BANK1: variants seen among roughly 807,000 people sequenced by gnomAD.
The protein encoded by BANK1 is B cell scaffold protein with ankyrin repeats 1, also known as B-cell scaffold protein with ankyrin repeats.
In BANK1, 95 loss-of-function variants were observed where a neutral mutation model predicts 94.5. That is an observed-to-expected ratio of 1.00 (90% confidence interval 0.85 to 1.19). The LOEUF is 1.19. Ranked by LOEUF, BANK1 falls within the 50% of genes most tolerant of loss-of-function variation. BANK1 has a pLI of 0.00. For synonymous variants in BANK1, 334 were observed against 308.4 expected, an observed-to-expected ratio of 1.08 and a Z score of -0.87; for missense variants, 987 against 932.2, an observed-to-expected ratio of 1.06 and a Z score of -0.77.
At chr4:102,044,707 T>G (rs1578476410) in intron 11 of BANK1, among the ~76,000 whole-genome samples, 2 of 82,488 alleles carry the variant, frequency 2.4e-5, no homozygotes, top group African/African-American at 4.8e-5. Flanking sequence ...TTTCCTGACT[T>G]TTTAATGATT....
chr4:101,810,790 G>T (rs1488169251), intron 1 of BANK1, among the ~76,000 whole-genome samples: 2 of 152,136 alleles, frequency 1.3e-5, no homozygotes, highest in Non-Finnish European at 2.9e-5. Context: ...GATACAAAGA[G>T]CACAGGATTG....
intron 6 of BANK1, 122 bp from the exon 7 acceptor site, chr4:101,917,871 C>T: frequency 1.8e-6 from 1 of 567,006 alleles, no homozygotes; most frequent in Non-Finnish European, 3.0e-6. Context: ...TTGATAGTTT[C>T]TTACACAAAA....
chr4:101,843,792 C>T (rs949241975), intron 2 of BANK1, among the ~76,000 whole-genome samples: 22 of 152,048 alleles, frequency 1.4e-4, no homozygotes, highest in Non-Finnish European at 2.6e-4. Flanking sequence ...CGTGCTGGCA[C>T]GCACCTGTAA....
At chr4:102,028,459 A>G (rs1727176208) in intron 9 of BANK1, among the ~76,000 whole-genome samples, 2 of 152,206 alleles carry the variant, frequency 1.3e-5, no homozygotes, top group Non-Finnish European at 2.9e-5. Flanking sequence ...ATCTCGCCTC[A>G]TAATCTTACC....
intron 7 of BANK1, among the ~76,000 whole-genome samples, chr4:101,946,720 T>C (rs572905888): frequency 2.0e-5 from 3 of 151,914 alleles, no homozygotes. Context: ...CAAGAAATAA[T>C]GGACATTTGA....
chr4:101,945,332 A>G (rs1723892907), intron 7 of BANK1, among the ~76,000 whole-genome samples: 1 of 151,734 alleles, frequency 6.6e-6, no homozygotes, highest in Admixed American at 6.6e-5. Flanking sequence ...ATAAACTTTC[A>G]TTTGTCTTTG....
intron 7 of BANK1, among the ~76,000 whole-genome samples, chr4:101,948,945 T>C (rs1043546010): frequency 2.0e-5 from 3 of 152,152 alleles, no homozygotes; most frequent in Non-Finnish European, 4.4e-5. Context: ...TTAATTTTTA[T>C]TTTTATGAAT....
chr4:101,873,868 C>A (rs971723376), intron 5 of BANK1, among the ~76,000 whole-genome samples: 1 of 152,074 alleles, frequency 6.6e-6, no homozygotes, highest in East Asian at 1.9e-4. Context: ...TAATTAAAAT[C>A]TTTGAGACTT....
chr4:101,807,060 G>T (rs1725578313), intron 1 of BANK1, among the ~76,000 whole-genome samples: 1 of 152,274 alleles, frequency 6.6e-6, no homozygotes, highest in South Asian at 2.1e-4. Flanking sequence ...GCAACCGGGG[G>T]TGACTACTGA....
At chr4:101,811,801 AATAAG>A (rs1285913181) in intron 1 of BANK1, among the ~76,000 whole-genome samples, 7 of 152,128 alleles carry the variant, frequency 4.6e-5, no homozygotes, top group Non-Finnish European at 1.0e-4. Context: ...CCCTGGGATA[AATAAG>A]ATAAGAAGAT....
intron 7 of BANK1, among the ~76,000 whole-genome samples, chr4:101,974,365 A>AT (rs1169269591): frequency 6.6e-6 from 1 of 152,110 alleles, no homozygotes; most frequent in Admixed American, 6.6e-5. Flanking sequence ...ATACTATAAA[A>AT]TTTCTGCCAC....
chr4:101,949,721 A>G (rs1222670391), intron 7 of BANK1, among the ~76,000 whole-genome samples: 2 of 152,162 alleles, frequency 1.3e-5, no homozygotes, highest in African/African-American at 4.8e-5. Flanking sequence ...AAAAGTAATA[A>G]ATGTACAAGA....
chr4:101,844,671 T>A (rs913113475), intron 2 of BANK1, among the ~76,000 whole-genome samples: 1 of 152,206 alleles, frequency 6.6e-6, no homozygotes, highest in African/African-American at 2.4e-5. Flanking sequence ...AAAACTCAAT[T>A]CTTAGTAAAA....
intron 2 of BANK1, among the ~76,000 whole-genome samples, chr4:101,838,910 G>T (rs957018527): frequency 3.9e-5 from 6 of 152,152 alleles, no homozygotes; most frequent in Non-Finnish European, 8.8e-5. Flanking sequence ...TTAAGGTATA[G>T]GATCATGTGA....
intron 7 of BANK1, among the ~76,000 whole-genome samples, chr4:102,019,057 A>G (rs1726808975): frequency 6.6e-6 from 1 of 151,978 alleles, no homozygotes; most frequent in Non-Finnish European, 1.5e-5. Flanking sequence ...ACCTCAGGTA[A>G]TCCACCATGC....
intron 2 of BANK1, among the ~76,000 whole-genome samples, chr4:101,840,170 G>A (rs1258571178): frequency 6.7e-6 from 1 of 149,268 alleles, no homozygotes; most frequent in Non-Finnish European, 1.5e-5. Flanking sequence ...GGGTTTCACC[G>A]TTTTAGCCGG....
chr4:101,888,583 G>A (rs1026241261), intron 5 of BANK1, among the ~76,000 whole-genome samples: 2 of 152,196 alleles, frequency 1.3e-5, no homozygotes, highest in African/African-American at 4.8e-5. Flanking sequence ...AGAATGTAAA[G>A]ATCTAAGTTA....
chr4:102,026,181 G>T (rs1727091353), intron 9 of BANK1, among the ~76,000 whole-genome samples: 1 of 152,142 alleles, frequency 6.6e-6, no homozygotes, highest in Admixed American at 6.5e-5. Flanking sequence ...CCTTGCGGAG[G>T]GCATGAAGAG....
intron 2 of BANK1, among the ~76,000 whole-genome samples, chr4:101,843,365 C>A (rs1323710841): frequency 6.6e-6 from 1 of 152,068 alleles, no homozygotes; most frequent in Non-Finnish European, 1.5e-5. Flanking sequence ...TTAATCATAC[C>A]AAATTACTCT....
Sources: gnomAD v4.1 joint callset for allele counts (sites outside exome capture counted in the v4.1 genomes callset) on GRCh38, gnomAD v4.1.1 for gene constraint, MANE v1.5 for transcripts, NCBI Gene and HGNC (gene_info 2026-07-23, HGNC 2026-07-21) for gene names.